PCDHGA7: variants seen among roughly 807,000 people sequenced by gnomAD.
PCDHGA7 encodes the protein protocadherin gamma-A7.
In PCDHGA7, 44 loss-of-function variants were observed where a neutral mutation model predicts 58.3. The observed-to-expected ratio is 0.75, with a 90% CI of 0.59 to 0.97. The LOEUF is 0.97. Ranked by LOEUF, PCDHGA7 falls within the 50% of genes least tolerant of loss-of-function variation. The probability of loss-of-function intolerance (pLI) is 0.00; values close to 1 mark genes in which losing one functional copy is unlikely to be tolerated. For synonymous variants in PCDHGA7, 516 were observed against 504.2 expected, an observed-to-expected ratio of 1.02 and a Z score of -0.31; for missense variants, 1,266 against 1,188.7, an observed-to-expected ratio of 1.06 and a Z score of -0.96.
chr5:141,474,961 A>G (rs1395755491), intron 1 of PCDHGA7, among the ~76,000 whole-genome samples: 1 of 152,254 alleles, frequency 6.6e-6, no homozygotes, highest in South Asian at 2.1e-4. Flanking sequence ...TCACTATCCT[A>G]ATCATTATAA....
rs750139205 is a variant in PCDHGA7 at position 141,489,738 on chromosome 5, T to C, written c.2425-5069T>C. Reference sequence around the variant, plus strand: ...AGGATCCGGATGTGGGCACCAATACTGTGAGCTTTTACACTCTAAGCCCCA... The same window carrying C: ...AGGATCCGGATGTGGGCACCAATACCGTGAGCTTTTACACTCTAAGCCCCA... On this transcript the variant is annotated intron_variant, in intron 1 of 3. Coordinates refer to ENST00000518325, the MANE Select transcript of PCDHGA7 (RefSeq NM_018920.4). This position sits in a 1 kb window ranked among gnomAD's most constrained non-coding sequence, Gnocchi z 4.5. 1 of 1,614,168 alleles carries C rather than the reference T, an allele frequency of 6.2e-7. No individual in the cohort carries two copies. Among genetic ancestry groups the C allele is most frequent in the Non-Finnish European group, 8.5e-7 (1 of 1,180,030 alleles).
At chr5:141,478,236 TCA>T in intron 1 of PCDHGA7, 3 of 1,614,156 alleles carry the variant, frequency 1.9e-6, no homozygotes, top group Non-Finnish European at 2.5e-6. Flanking sequence ...GGGTTTGTGG[TCA>T]CAGTGTTCGG....
At chr5:141,413,058 C>G (rs2095601249) in intron 1 of PCDHGA7, 1 of 1,073,304 alleles carries the variant, frequency 9.3e-7, no homozygotes, top group Non-Finnish European at 1.3e-6. Context: ...AAGCTCACTC[C>G]AGAATTTAAA....
chr5:141,495,818 GTTC>G (rs2099764072), intron 2 of PCDHGA7, among the ~76,000 whole-genome samples: 1 of 151,904 alleles, frequency 6.6e-6, no homozygotes, highest in South Asian at 2.1e-4. Context: ...AGCGCCTTGT[GTTC>G]TTCTATCCCC....
intron 1 of PCDHGA7, among the ~76,000 whole-genome samples, chr5:141,436,713 G>C (rs2097842329): frequency 6.6e-6 from 1 of 152,308 alleles, no homozygotes; most frequent in East Asian, 1.9e-4. Flanking sequence ...TCGATGTTCT[G>C]TTGGGAAAAA....
rs144585584 is a variant in PCDHGA7 at position 141,478,339 on chromosome 5, C to T, written c.2425-16468C>T. 998 of 1,613,918 alleles carry T rather than the reference C, an allele frequency of 6.2e-4. 16 individuals carry two copies. In the East Asian group the frequency reaches 0.019, roughly 31 times the overall value. Reference sequence around the variant, plus strand: ...CACTGTACCGAACACCAGGGCCCTCCTTGCACGCGGACGCCGTGCGGGGAG... The same window carrying T: ...CACTGTACCGAACACCAGGGCCCTCTTTGCACGCGGACGCCGTGCGGGGAG... On this transcript the variant is annotated intron_variant, in intron 1 of 3. Transcript: ENST00000518325.
intron 1 of PCDHGA7, among the ~76,000 whole-genome samples, chr5:141,438,976 C>T (rs2098079529): frequency 6.6e-6 from 1 of 151,928 alleles, no homozygotes; most frequent in Non-Finnish European, 1.5e-5. Context: ...AACTGTCTGA[C>T]TTATCTTAAA....
chr5:141,404,501 C>T, intron 1 of PCDHGA7: 2 of 1,613,792 alleles, frequency 1.2e-6, no homozygotes, highest in Non-Finnish European at 1.7e-6. Context: ...GCTGTATGCT[C>T]TGTGCTCCTT....
chr5:141,432,413 G>C lies in PCDHGA7; in HGVS notation c.2424+47090G>C, dbSNP rs369816901. 9 of 1,614,114 alleles carry C rather than the reference G, an allele frequency of 5.6e-6. No homozygotes were observed. The highest frequency in any genetic ancestry group is 1.3e-5 in the African/African-American group (1 of 74,946). ...CAGCAACGTGTCGTTGAGCCTGTTCGTGCTGGACCAGAACGACAATGCGCC... is the reference window on the plus strand; with the variant it reads ...CAGCAACGTGTCGTTGAGCCTGTTCCTGCTGGACCAGAACGACAATGCGCC... On this transcript the variant is annotated intron_variant, in intron 1 of 3. Coordinates refer to ENST00000518325, the MANE Select transcript of PCDHGA7 (RefSeq NM_018920.4). This position sits in a 1 kb window ranked among gnomAD's most constrained non-coding sequence, Gnocchi z 6.0.
chr5:141,384,731 C>T lies in PCDHGA7; in HGVS notation c.1832C>T (p.Ala611Val). Residue 611 changes from alanine (A) to valine (V), a missense_variant, in exon 1 of 4, where the codon GCC becomes GTC. By Grantham distance (64) the Ala-to-Val change is moderately conservative. Transcript: ENST00000518325. ...NAWLSYLLLK[A>V]SEPGLFAVGL... ...TGGCTGTCATACCTCCTGCTTAAGGCCAGCGAGCCAGGACTCTTTGCGGTT... is the reference window on the plus strand; with the variant it reads ...TGGCTGTCATACCTCCTGCTTAAGGTCAGCGAGCCAGGACTCTTTGCGGTT... 6.2e-7 allele frequency: 1 copy of T among 1,614,086 alleles called. No homozygotes were observed. Among genetic ancestry groups the T allele is most frequent in the South Asian group, 1.1e-5 (1 of 91,090 alleles).
At position 141,385,066 on chromosome 5, in the gene PCDHGA7, C is replaced by A. The variant is rs1780827434; in HGVS notation, c.2167C>A (p.Arg723Ser). Residue 723 changes from arginine (R) to serine (S), a missense_variant, in exon 1 of 4, where the codon CGC (arginine) becomes AGC (serine). Physicochemically the swap from Arg to Ser is moderately radical, Grantham distance 110 (BLOSUM62 -1). Coordinates refer to ENST00000518325, the MANE Select transcript of PCDHGA7 (RefSeq NM_018920.4). Reference protein sequence around the residue: ...ALRLRRWHKSRLLQASEGGLA... With the variant: ...ALRLRRWHKSSLLQASEGGLA... The stretch of plus-strand genomic sequence containing the variant: ...CAGGCTGCGGCGCTGGCACAAGTCA[C>A]GCCTGCTGCAGGCTTCAGAAGGTGG... 6.2e-7 allele frequency: 1 copy of A among 1,614,194 alleles called. No individual in the cohort carries two copies. Among genetic ancestry groups the A allele is most frequent in the Non-Finnish European group, 8.5e-7 (1 of 1,180,044 alleles).
chr5:141,423,325 G>A lies in PCDHGA7; in HGVS notation c.2424+38002G>A, dbSNP rs201044967. ...GCTGTACTTGGTGGTGGCGGTGGCCGCAGTCTCCTGCATCTTCCTGGTCTT... is the reference window on the plus strand; with the variant it reads ...GCTGTACTTGGTGGTGGCGGTGGCCACAGTCTCCTGCATCTTCCTGGTCTT... On this transcript the variant is annotated intron_variant, in intron 1 of 3. Coordinates refer to ENST00000518325, the MANE Select transcript of PCDHGA7 (RefSeq NM_018920.4). 133 of 1,614,016 alleles carry A rather than the reference G, an allele frequency of 8.2e-5. No individual in the cohort carries two copies. Among genetic ancestry groups the A allele is most frequent in the Non-Finnish European group, 4.1e-5 (48 of 1,180,008 alleles).
chr5:141,410,553 C>T, intron 1 of PCDHGA7: 1 of 1,613,232 alleles, frequency 6.2e-7, no homozygotes. Context: ...TGCAGTGTTT[C>T]TCCTGGAGCC....
rs932721053 is a variant in PCDHGA7 at position 141,398,645 on chromosome 5, C to G, written c.2424+13322C>G. 1.3e-5 allele frequency: 21 copies of G among 1,613,938 alleles called. No homozygotes were observed. In the Admixed American group the frequency reaches 3.3e-4, roughly 26 times the overall value. The stretch of plus-strand genomic sequence containing the variant: ...AACTCTCTGCAGAAGTATAAACTCT[C>G]TCTTAACCCAAGTTTCTCATTAATA... On this transcript the variant is annotated intron_variant, in intron 1 of 3. Coordinates refer to ENST00000518325, the MANE Select transcript of PCDHGA7 (RefSeq NM_018920.4).
intron 1 of PCDHGA7, among the ~76,000 whole-genome samples, chr5:141,434,467 T>C (rs1397980716): frequency 6.6e-6 from 1 of 152,226 alleles, no homozygotes; most frequent in Non-Finnish European, 1.5e-5. Flanking sequence ...TTTACCGGAA[T>C]GAGGGCAAGG....
At chr5:141,423,384 C>G (rs1196881147) in intron 1 of PCDHGA7, 1 of 1,614,054 alleles carries the variant, frequency 6.2e-7, no homozygotes, top group Non-Finnish European at 8.5e-7. Context: ...GGCTGTGGCG[C>G]TGGCATAAGT....
chr5:141,510,428 G>A (rs1254357998), intron 3 of PCDHGA7, among the ~76,000 whole-genome samples: 2 of 152,092 alleles, frequency 1.3e-5, no homozygotes, highest in African/African-American at 4.8e-5. Flanking sequence ...TGGTTTCATG[G>A]CTGCTGCCCT....
rs763513374 is a variant in PCDHGA7 at position 141,384,296 on chromosome 5, C to T, written c.1397C>T (p.Pro466Leu). 5 of 1,613,712 alleles carry T rather than the reference C, an allele frequency of 3.1e-6. No individual in the cohort carries two copies. The highest frequency in any genetic ancestry group is 1.6e-4 in the Middle Eastern group (1 of 6,084). ...TCAGTCTACATCGCTGAGAACAACC[C>T]CAGAGGGGCCTCCATTTTCTTAGTG... ...SYSVYIAENN[P>L]RGASIFLVTA... The change falls in exon 1 of 4, where the codon CCC (proline) becomes CTC (leucine). Residue 466 changes from proline to leucine, a missense_variant. Pro to Leu is a moderately conservative substitution (Grantham distance 98). Coordinates refer to ENST00000518325, the MANE Select transcript of PCDHGA7 (RefSeq NM_018920.4).
chr5:141,418,749 C>A, intron 1 of PCDHGA7: 1 of 1,613,866 alleles, frequency 6.2e-7, no homozygotes, highest in South Asian at 1.1e-5. Flanking sequence ...CTGGATTACA[C>A]TACAGGAAAC....
Sources: allele counts gnomAD v4.1 joint callset (sites outside exome capture counted in the v4.1 genomes callset), GRCh38; gene constraint gnomAD v4.1.1; non-coding constraint Gnocchi (gnomAD v3.1); transcripts MANE v1.5; gene names NCBI Gene and HGNC (gene_info 2026-07-23, HGNC 2026-07-21).